Variants in CNTNAP5 observed in about 807,000 individuals in gnomAD.
The protein encoded by CNTNAP5 is contactin-associated protein-like 5.
Under a neutral mutation model 150.2 loss-of-function variants are expected in CNTNAP5, and 72 were observed. That is an observed-to-expected ratio of 0.48 (90% confidence interval 0.40 to 0.58). The LOEUF (loss-of-function observed/expected upper bound fraction) is 0.58. Ranked by LOEUF, CNTNAP5 falls within the 20% of genes least tolerant of loss-of-function variation. The pLI is 0.00. For synonymous variants in CNTNAP5, 672 were observed against 619.8 expected (o/e 1.08, Z -1.25); for missense variants, 1,636 against 1,626.2 (o/e 1.01, Z -0.10).
At chr2:124,382,814 C>T (rs2104739754) in intron 3 of CNTNAP5, among the ~76,000 whole-genome samples, 1 of 152,242 alleles carries the variant, frequency 6.6e-6, no homozygotes, top group Non-Finnish European at 1.5e-5. Context: ...TTTAGAATCC[C>T]TTCTAGTTTG....
At chr2:124,089,844 A>G (rs1453848848) in intron 1 of CNTNAP5, among the ~76,000 whole-genome samples, 2 of 152,210 alleles carry the variant, frequency 1.3e-5, no homozygotes, top group Non-Finnish European at 2.9e-5. Context: ...TGGCCTCACT[A>G]TTATCCTAGC....
intron 13 of CNTNAP5, 88 bp from the exon 14 acceptor site, chr2:124,747,141 C>T (rs1680619566): frequency 7.8e-7 from 1 of 1,288,980 alleles, no homozygotes; most frequent in Admixed American, 2.2e-5. Context: ...ATCTATTCTC[C>T]AAGATATTTT....
chr2:124,765,754 G>C (rs561663710), intron 16 of CNTNAP5, among the ~76,000 whole-genome samples: 1 of 151,966 alleles, frequency 6.6e-6, no homozygotes, highest in Non-Finnish European at 1.5e-5. Flanking sequence ...TCAGGAGTTC[G>C]AGACCAGCAT....
At position 124,920,303 on chromosome 2, in the gene CNTNAP5, C is replaced by T. The variant is rs554683378; in HGVS notation, c.*6015C>T. Reference sequence around the variant, plus strand: ...GAAACAGGAATAATGCATTCCTCTACAGACTCTTTGAAAGGCTTTCTCTTT... The same window carrying T: ...GAAACAGGAATAATGCATTCCTCTATAGACTCTTTGAAAGGCTTTCTCTTT... On this transcript the variant is annotated 3_prime_UTR_variant, in exon 24 of 24. Coordinates refer to ENST00000682447, the MANE Select transcript of CNTNAP5 (RefSeq NM_001367498.1). Among the ~76,000 whole-genome samples the T allele has an allele frequency of 1.3e-5, 2 of 152,216 alleles. No individual in the cohort carries two copies. Among genetic ancestry groups the T allele is most frequent in the Admixed American group, 6.5e-5 (1 of 15,286 alleles).
chr2:124,129,521 A>T (rs1019892862), intron 1 of CNTNAP5, among the ~76,000 whole-genome samples: 9 of 113,578 alleles, frequency 7.9e-5, no homozygotes, highest in Admixed American at 1.8e-4. Context: ...GGAATAATTT[A>T]AAAAAAAACT....
At chr2:124,180,770 GC>G (rs71394027) in intron 1 of CNTNAP5, among the ~76,000 whole-genome samples, 3 of 147,860 alleles carry the variant, frequency 2.0e-5, no homozygotes, top group Admixed American at 1.4e-4. Context: ...GGAAATGAAA[GC>G]CCCCCCAATC....
intron 21 of CNTNAP5, among the ~76,000 whole-genome samples, chr2:124,872,813 A>G (rs1677779754): frequency 1.3e-5 from 2 of 151,956 alleles, no homozygotes; most frequent in South Asian, 4.1e-4. Context: ...GAAAAAAAAA[A>G]TCCTCATTAA....
chr2:124,060,763 G>A (rs528488764), intron 1 of CNTNAP5, among the ~76,000 whole-genome samples: 75 of 152,300 alleles, frequency 4.9e-4, no homozygotes, highest in African/African-American at 1.6e-3. Context: ...GGGCTTTCTA[G>A]TCAAGCTCTC....
At chr2:124,285,215 A>G (rs1688118235) in intron 3 of CNTNAP5, among the ~76,000 whole-genome samples, 1 of 152,156 alleles carries the variant, frequency 6.6e-6, no homozygotes, top group African/African-American at 2.4e-5. Context: ...GTAATGCCTG[A>G]GTCAGTGCAG....
intron 12 of CNTNAP5, among the ~76,000 whole-genome samples, chr2:124,646,716 GT>G (rs1442080091): frequency 6.6e-6 from 1 of 152,126 alleles, no homozygotes; most frequent in African/African-American, 2.4e-5. Context: ...TGTATTTGTG[GT>G]TGCTTTTCCA....
In CNTNAP5 at chr2:124,724,383, C is replaced by T. The variant is rs78083815; in HGVS notation, c.2078-22846C>T. On this transcript the variant is annotated intron_variant, in intron 13 of 23. Coordinates refer to ENST00000682447, the MANE Select transcript of CNTNAP5 (RefSeq NM_001367498.1). ...CCACACCCTCGCCAGGGGCATCACCCTCCAGGAACCTCCACGTATTCAGGT... is the reference window on the plus strand; with the variant it reads ...CCACACCCTCGCCAGGGGCATCACCTTCCAGGAACCTCCACGTATTCAGGT... 3.6e-3 allele frequency among the ~76,000 whole-genome samples: 550 copies of T among 152,164 alleles called. 3 individuals carry two copies. Among genetic ancestry groups the T allele is most frequent in the African/African-American group, 0.012 (518 of 41,520 alleles).
chr2:124,779,692 A>G (rs558572390), intron 17 of CNTNAP5, among the ~76,000 whole-genome samples: 2 of 152,248 alleles, frequency 1.3e-5, no homozygotes, highest in African/African-American at 2.4e-5. Flanking sequence ...CCAAGTTTGC[A>G]TGGTTTTGCT....
intron 19 of CNTNAP5, among the ~76,000 whole-genome samples, chr2:124,849,589 T>A (rs1683114628): frequency 6.6e-6 from 1 of 152,210 alleles, no homozygotes; most frequent in Non-Finnish European, 1.5e-5. Context: ...GGAATTTTAA[T>A]AAGAACTGCA....
intron 14 of CNTNAP5, among the ~76,000 whole-genome samples, chr2:124,750,295 C>G (rs1411281465): frequency 6.6e-6 from 1 of 152,150 alleles, no homozygotes; most frequent in Non-Finnish European, 1.5e-5. Context: ...TGACTCACTC[C>G]TGGATGTCCC....
chr2:124,776,585 A>C (rs1681329236), intron 17 of CNTNAP5, among the ~76,000 whole-genome samples: 1 of 152,176 alleles, frequency 6.6e-6, no homozygotes, highest in South Asian at 2.1e-4. Context: ...ACACTTAGGT[A>C]ACTGGCCTCA....
At position 124,527,314 on chromosome 2, in the gene CNTNAP5, T is replaced by C. The variant is rs1189504968; in HGVS notation, c.1507T>C (p.Cys503Arg). The change falls in exon 10 of 24, where the codon TGT becomes CGT. Residue 503 changes from cysteine (C) to arginine (R), a missense_variant. By Grantham distance (180) the Cys-to-Arg change is radical. Coordinates refer to ENST00000682447, the MANE Select transcript of CNTNAP5 (RefSeq NM_001367498.1). The part of the protein sequence containing the change: ...GCPDNLTDSQ[C>R]LNPIKAFQGC... ...CCCCGACAATCTCACCGATTCCCAATGTTTAAATCCCATTAAGGCTTTCCA... is the reference window on the plus strand; with the variant it reads ...CCCCGACAATCTCACCGATTCCCAACGTTTAAATCCCATTAAGGCTTTCCA... 1.1e-5 allele frequency: 18 copies of C among 1,613,500 alleles called. No homozygotes were observed. The highest frequency in any genetic ancestry group is 2.7e-5 in the African/African-American group (2 of 74,902).
intron 12 of CNTNAP5, among the ~76,000 whole-genome samples, chr2:124,622,567 A>T (rs959928763): frequency 1.3e-5 from 2 of 152,052 alleles, no homozygotes; most frequent in Admixed American, 6.6e-5. Context: ...CAATGGGCGA[A>T]CTAATTTATA....
At chr2:124,198,405 G>A (rs966894232) in intron 1 of CNTNAP5, among the ~76,000 whole-genome samples, 3 of 151,178 alleles carry the variant, frequency 2.0e-5, no homozygotes, top group Non-Finnish European at 4.4e-5. Flanking sequence ...GAAGCGCTTA[G>A]TTTTTTTTTC....
chr2:124,611,844 C>T (rs1677391226), intron 12 of CNTNAP5, among the ~76,000 whole-genome samples: 1 of 152,180 alleles, frequency 6.6e-6, no homozygotes, highest in South Asian at 2.1e-4. Flanking sequence ...TGAGCTTCGA[C>T]TCTCTCTGGG....
Sources: allele counts gnomAD v4.1 joint callset (sites outside exome capture counted in the v4.1 genomes callset), GRCh38; gene constraint gnomAD v4.1.1; transcripts MANE v1.5; gene names NCBI Gene and HGNC (gene_info 2026-07-23, HGNC 2026-07-21).